PPP6R2: variants seen among roughly 807,000 people sequenced by gnomAD.
PPP6R2 encodes the protein serine/threonine-protein phosphatase 6 regulatory subunit 2.
A neutral mutation model predicts 100.2 loss-of-function variants in PPP6R2; 62 were observed. The ratio of observed to expected loss-of-function variants is 0.62; its 90% CI spans 0.50 to 0.76. The LOEUF (loss-of-function observed/expected upper bound fraction) is 0.76, where lower values mean the gene tolerates loss of function less well. PPP6R2 is among the 30% of genes least tolerant of loss of function. PPP6R2 has a pLI of 0.00. For synonymous variants in PPP6R2, 525 were observed against 514.7 expected (o/e 1.02, Z -0.27); for missense variants, 1,142 against 1,276.3 (o/e 0.89, Z 1.60).
At chr22:50,440,209 C>A (rs988872909) in intron 21 of PPP6R2, among the ~76,000 whole-genome samples, 160 bp downstream of exon 21, 1 of 152,240 alleles carries the variant, frequency 6.6e-6, no homozygotes, top group Non-Finnish European at 1.5e-5. Flanking sequence ...GGGACTGGAG[C>A]AGCCACGTGT....
chr22:50,398,973 C>T (rs564559961), intron 3 of PPP6R2, among the ~76,000 whole-genome samples: 2 of 152,226 alleles, frequency 1.3e-5, no homozygotes, highest in African/African-American at 2.4e-5. Context: ...AGGGGCCGGG[C>T]GTGGTGGCTC....
In PPP6R2 at chr22:50,354,803, C is replaced by G. The variant is rs780919136; in HGVS notation, c.-148+11253C>G. Among the ~76,000 whole-genome samples, 6 of 151,696 alleles carry G rather than the reference C, an allele frequency of 4.0e-5. No individual in the cohort carries two copies. The East Asian group carries it at 9.7e-4, about 24-fold the overall frequency. The stretch of plus-strand genomic sequence containing the variant: ...TGACAGTGAGACTCTCTCTCGTACA[C>G]GTACATACAAATCTGTAACTGGTTG... On this transcript the variant is annotated intron_variant, in intron 1 of 23. Coordinates refer to ENST00000612753, the MANE Select transcript of PPP6R2 (RefSeq NM_001242898.2).
In PPP6R2 at chr22:50,372,125, A is replaced by G. The variant is rs1302200823; in HGVS notation, c.-42A>G. 1 of 152,202 alleles carries G rather than the reference A, an allele frequency of 6.6e-6. No individual in the cohort carries two copies. Among genetic ancestry groups the G allele is most frequent in the East Asian group, 1.9e-4 (1 of 5,200 alleles). 9.4% of individuals were successfully genotyped at this position (152,202 alleles called of 1,614,324 possible). On this transcript the variant is annotated 5_prime_UTR_variant, in exon 2 of 24. Transcript: ENST00000612753. ...TTTTTCTGTTTTGCCTGAATACATG[A>G]TTTAAACAAGAGATTTCCACAGAAG... is the stretch of plus-strand genomic sequence containing the variant.
At position 50,343,471 on chromosome 22, in the gene PPP6R2, C is replaced by T. The variant is rs1275570339; in HGVS notation, c.-227C>T. On this transcript the variant is annotated 5_prime_UTR_variant, in exon 1 of 24. Coordinates refer to ENST00000612753, the MANE Select transcript of PPP6R2 (RefSeq NM_001242898.2). ...CCGCCCGAGGCCGCCCGGGCTTTGC[C>T]TCCACCAGCGCCCTGGCCTCCGCTC... 1 of 151,594 alleles carries T rather than the reference C, an allele frequency of 6.6e-6. No individual in the cohort carries two copies. The highest frequency in any genetic ancestry group is 2.4e-5 in the African/African-American group (1 of 41,356). 9.4% of individuals were successfully genotyped at this position (151,594 alleles called of 1,614,324 possible). A position where few individuals can be genotyped will look rare whatever the true frequency, so the allele number is the denominator to read the frequency against.
chr22:50,357,205 C>T (rs775558792), intron 1 of PPP6R2, among the ~76,000 whole-genome samples: 5 of 151,884 alleles, frequency 3.3e-5, no homozygotes, highest in Non-Finnish European at 5.9e-5. Context: ...ATGCTTTTAC[C>T]CACTGTTTAT....
At chr22:50,366,216 G>A (rs1309643581) in intron 1 of PPP6R2, among the ~76,000 whole-genome samples, 1 of 152,008 alleles carries the variant, frequency 6.6e-6, no homozygotes, top group Non-Finnish European at 1.5e-5. Context: ...AACGTCTTCT[G>A]AGCATTACGT....
At chr22:50,380,881 C>T (rs1315699903) in intron 2 of PPP6R2, among the ~76,000 whole-genome samples, 2 of 149,796 alleles carry the variant, frequency 1.3e-5, no homozygotes, top group Admixed American at 6.7e-5. Context: ...CCCAGCTATT[C>T]GGGAGGCTGA....
At chr22:50,374,911 C>CAAAAAAAAAAAAA (rs60035779) in intron 2 of PPP6R2, among the ~76,000 whole-genome samples, 1 of 80,986 alleles carries the variant, frequency 1.2e-5, no homozygotes, top group African/African-American at 4.7e-5. Context: ...GACTCTGTCT[C>CAAAAAAAAAAAAA]AAAAAAAAAA....
At chr22:50,365,664 G>A (rs1487177629) in intron 1 of PPP6R2, among the ~76,000 whole-genome samples, 2 of 146,266 alleles carry the variant, frequency 1.4e-5, no homozygotes. Flanking sequence ...GTGCGACAGA[G>A]CAAGACTCTG....
At chr22:50,386,224 C>A (rs550044897) in intron 2 of PPP6R2, among the ~76,000 whole-genome samples, 1 of 151,874 alleles carries the variant, frequency 6.6e-6, no homozygotes, top group South Asian at 2.1e-4. Context: ...CTCACTGCAA[C>A]CTCTGCCTGC....
chr22:50,437,496 T>TCCCC lies in PPP6R2; in HGVS notation c.1684-7_1684-6insCCCC. Reference sequence around the variant, plus strand: ...GTCTGTCCGTCCCTCCCTCCCTCCCTCCCTCCCAGGCCTTCTCTGACTACC... The same window carrying TCCCC: ...GTCTGTCCGTCCCTCCCTCCCTCCCTCCCCCCCTCCCAGGCCTTCTCTGACTACC... On this transcript the variant is annotated splice_polypyrimidine_tract_variant and intron_variant, in intron 15 of 23. Coordinates refer to ENST00000612753, the MANE Select transcript of PPP6R2 (RefSeq NM_001242898.2). 3 of 292,912 alleles carry TCCCC rather than the reference T, an allele frequency of 1.0e-5. No homozygotes were observed. The highest frequency in any genetic ancestry group is 9.0e-5 in the East Asian group (1 of 11,164). 18.1% of individuals were successfully genotyped at this position (292,912 alleles called of 1,614,324 possible).
upstream of PPP6R2, among the ~76,000 whole-genome samples, chr22:50,338,910 G>GTGGGT (rs2042335422): frequency 1.0e-5 from 1 of 98,866 alleles, no homozygotes. Context: ...TGGTGTGTGT[G>GTGGGT]GTAGTGTGTG....
intron 8 of PPP6R2, among the ~76,000 whole-genome samples, chr22:50,420,460 G>T (rs1049169033): frequency 6.6e-6 from 1 of 152,224 alleles, no homozygotes; most frequent in Non-Finnish European, 1.5e-5. Context: ...AGAAGAGTGA[G>T]TTCGGGTGAA....
Position 50,416,387 on chromosome 22 carries a change from G to A in PPP6R2, c.618+230G>A, listed in dbSNP as rs368708918. 4.0e-5 allele frequency among the ~76,000 whole-genome samples: 6 copies of A among 151,296 alleles called. No homozygotes were observed. The East Asian group carries it at 5.9e-4, about 15-fold the overall frequency. On this transcript the variant is annotated intron_variant, in intron 6 of 23. Transcript: ENST00000612753. The stretch of plus-strand genomic sequence containing the variant: ...CTTGTTGCCTGGGCTGGAGTGCAGT[G>A]GTGCAATCTCGGCTCACCACAACCT...
chr22:50,441,522 G>A (rs1387973148), intron 22 of PPP6R2, among the ~76,000 whole-genome samples: 2 of 152,186 alleles, frequency 1.3e-5, no homozygotes, highest in Non-Finnish European at 2.9e-5. Flanking sequence ...CCCCTTCCAC[G>A]GGAGGCCTAT....
At chr22:50,428,562 T>G (rs2062598190) in intron 10 of PPP6R2, among the ~76,000 whole-genome samples, 1 of 151,884 alleles carries the variant, frequency 6.6e-6, no homozygotes. Context: ...TAAATAAGAA[T>G]AAAAATTAGG....
chr22:50,368,398 A>G (rs550445473), intron 1 of PPP6R2, among the ~76,000 whole-genome samples: 218 of 152,282 alleles, frequency 1.4e-3, no homozygotes, highest in Middle Eastern at 3.4e-3. Context: ...TCTGGGCGTG[A>G]CAGAAGGCTC....
rs1491533424 is a variant in PPP6R2, at chr22:50,349,828, AAC to A, written c.-148+6280_-148+6281del. 3.2e-3 allele frequency among the ~76,000 whole-genome samples: 461 copies of A among 142,252 alleles called. 2 individuals are homozygous for A. Among genetic ancestry groups the A allele is most frequent in the African/African-American group, 0.012 (412 of 35,164 alleles). The allele number at this position is 142,252 out of a possible 152,430, so 93.3% of individuals were successfully genotyped here. ...GAAACTCCATCTTAAAAAAAAAAAA[AAC>A]AGAAAAAAGCAGCTGGGTGTGGTGG... On this transcript the variant is annotated intron_variant, in intron 1 of 23. Transcript: ENST00000612753.
intron 3 of PPP6R2, among the ~76,000 whole-genome samples, chr22:50,403,054 A>T (rs2058299085): frequency 6.6e-6 from 1 of 152,184 alleles, no homozygotes; most frequent in Non-Finnish European, 1.5e-5. Flanking sequence ...CTCTACCAAA[A>T]ATACAAAAGT....
Sources: allele counts gnomAD v4.1 joint callset (sites outside exome capture counted in the v4.1 genomes callset), GRCh38; gene constraint gnomAD v4.1.1; transcripts MANE v1.5; gene names NCBI Gene and HGNC (gene_info 2026-07-23, HGNC 2026-07-21).